PCDH15: variants seen among roughly 807,000 people sequenced by gnomAD.
The protein encoded by PCDH15 is protocadherin-15.
Under a neutral mutation model 178.5 loss-of-function variants are expected in PCDH15, and 129 were observed. The ratio of observed to expected loss-of-function variants is 0.72; its 90% CI spans 0.63 to 0.84. The LOEUF (loss-of-function observed/expected upper bound fraction) is 0.84, where lower values mean the gene tolerates loss of function less well. Ranked by LOEUF, PCDH15 falls within the 40% of genes least tolerant of loss-of-function variation. PCDH15 has a pLI of 0.00. For synonymous variants in PCDH15, 800 were observed against 732.0 expected (o/e 1.09, Z -1.50); for missense variants, 2,230 against 2,099.9 (o/e 1.06, Z -1.21).
intron 2 of PCDH15, among the ~76,000 whole-genome samples, chr10:55,016,012 A>G (rs1840165602): frequency 1.3e-5 from 2 of 151,690 alleles, no homozygotes; most frequent in South Asian, 4.2e-4. Flanking sequence ...ATCCAGAAGA[A>G]CATTCTACAA....
At chr10:55,176,779 G>A (rs1839501750) in intron 1 of PCDH15, among the ~76,000 whole-genome samples, 1 of 152,046 alleles carries the variant, frequency 6.6e-6, no homozygotes, top group South Asian at 2.1e-4. Flanking sequence ...CCTAAAGGAT[G>A]CTTTTTTCCT....
intron 2 of PCDH15, among the ~76,000 whole-genome samples, chr10:55,427,988 T>A (rs2132053387): frequency 6.8e-6 from 1 of 147,658 alleles, no homozygotes; most frequent in South Asian, 2.1e-4. Flanking sequence ...GAAAAATATC[T>A]AATTTTGAAC....
At chr10:54,993,018 C>A (rs1839541507) in intron 2 of PCDH15, among the ~76,000 whole-genome samples, 1 of 151,950 alleles carries the variant, frequency 6.6e-6, no homozygotes, top group African/African-American at 2.4e-5. Context: ...AGATGGTGAT[C>A]TTGGTGTAGT....
intron 2 of PCDH15, among the ~76,000 whole-genome samples, chr10:54,972,211 T>C (rs531611767): frequency 1.3e-5 from 2 of 152,318 alleles, no homozygotes; most frequent in East Asian, 3.9e-4. Context: ...TAATGCCGCA[T>C]ATAAAGCCCT....
chr10:54,563,462 G>C (rs1162141087), intron 2 of PCDH15, among the ~76,000 whole-genome samples: 2 of 152,092 alleles, frequency 1.3e-5, no homozygotes, highest in Admixed American at 6.6e-5. Flanking sequence ...TCAAAGTACC[G>C]TGTTAACTTT....
chr10:55,128,235 T>C (rs1837953375), intron 2 of PCDH15, among the ~76,000 whole-genome samples: 2 of 152,128 alleles, frequency 1.3e-5, no homozygotes, highest in South Asian at 4.1e-4. Flanking sequence ...TACCATCCTT[T>C]TTTTTCTATT....
At chr10:54,982,467 A>T in intron 2 of PCDH15, among the ~76,000 whole-genome samples, 1 of 152,158 alleles carries the variant, frequency 6.6e-6, no homozygotes, top group East Asian at 1.9e-4. Context: ...TTGAAGAAGA[A>T]ATATTATTTG....
At chr10:54,234,181 G>T (rs530273486) in intron 9 of PCDH15, among the ~76,000 whole-genome samples, 1 of 139,356 alleles carries the variant, frequency 7.2e-6, no homozygotes, top group Non-Finnish European at 1.6e-5. Context: ...TGTGTGCTGT[G>T]TCTGGTTTTT....
chr10:54,107,951 G>A (rs1316512529), intron 15 of PCDH15, among the ~76,000 whole-genome samples: 1 of 152,146 alleles, frequency 6.6e-6, no homozygotes, highest in Admixed American at 6.5e-5. Flanking sequence ...TGATGATTTG[G>A]TGTGATTTCA....
At chr10:54,854,683 C>T (rs898039739) in intron 3 of PCDH15, among the ~76,000 whole-genome samples, 1 of 152,130 alleles carries the variant, frequency 6.6e-6, no homozygotes, top group Non-Finnish European at 1.5e-5. Flanking sequence ...TGCAGCTGAT[C>T]ATCAGGACAT....
At chr10:55,405,543 G>C (rs1316354424) in intron 2 of PCDH15, among the ~76,000 whole-genome samples, 1 of 151,444 alleles carries the variant, frequency 6.6e-6, no homozygotes, top group Non-Finnish European at 1.5e-5. Flanking sequence ...TTAACATATA[G>C]TGAGTATCTT....
At chr10:54,617,755 CAAAAAAA>C (rs71010398) in intron 2 of PCDH15, among the ~76,000 whole-genome samples, 66,115 of 117,120 alleles carry the variant, frequency 0.56, 15,726 homozygotes, top group Middle Eastern at 0.65. Flanking sequence ...TCTAAAAATA[CAAAAAAA>C]AAAAAAAAAA....
Position 53,831,489 on chromosome 10 carries a change from G to A in PCDH15, c.4028C>T (p.Pro1343Leu), listed in dbSNP as rs1228182696. The change falls in exon 30 of 38, where the codon CCG (proline) becomes CTG (leucine). Residue 1343 changes from proline (P) to leucine (L), a missense_variant. Pro to Leu is a moderately conservative substitution (Grantham distance 98, BLOSUM62 -3). Coordinates refer to ENST00000644397, the MANE Select transcript of PCDH15 (RefSeq NM_001384140.1). ...AATGCGTCCTCCTTCCCCATAATAC[G>A]GCTGAAAGTCTTTATTGATATCAAG... ...KLLDINKDFQ[P>L]YYGEGGRILE... 12 of 1,613,930 alleles carry A rather than the reference G, an allele frequency of 7.4e-6. No homozygotes were observed. Among genetic ancestry groups the A allele is most frequent in the Middle Eastern group, 1.7e-4 (1 of 6,060 alleles).
intron 2 of PCDH15, among the ~76,000 whole-genome samples, chr10:55,612,725 TG>T (rs943430890): frequency 1.3e-5 from 2 of 152,254 alleles, no homozygotes; most frequent in African/African-American, 4.8e-5. Context: ...ATGGTACCAA[TG>T]GCAAAGAAAT....
intron 3 of PCDH15, among the ~76,000 whole-genome samples, chr10:54,877,559 C>A (rs1300416044): frequency 6.6e-6 from 1 of 152,018 alleles, no homozygotes; most frequent in Non-Finnish European, 1.5e-5. Context: ...ATGTCTTGCA[C>A]TATTAAAGAG....
At chr10:55,491,620 C>A (rs958188270) in intron 2 of PCDH15, among the ~76,000 whole-genome samples, 1 of 151,044 alleles carries the variant, frequency 6.6e-6, no homozygotes. Context: ...GCAGCTTAGC[C>A]TGAGAGGGCT....
intron 26 of PCDH15, among the ~76,000 whole-genome samples, chr10:53,902,000 A>G (rs2082365615): frequency 1.3e-5 from 2 of 152,264 alleles, no homozygotes; most frequent in South Asian, 4.1e-4. Flanking sequence ...TGCTTTGTCA[A>G]TTGCTCTATA....
chr10:53,838,793 A>T (rs1236289814), intron 29 of PCDH15, among the ~76,000 whole-genome samples: 1 of 152,152 alleles, frequency 6.6e-6, no homozygotes, highest in Non-Finnish European at 1.5e-5. Context: ...TGGTAGATCT[A>T]AATGTTGCTT....
intron 26 of PCDH15, among the ~76,000 whole-genome samples, chr10:53,877,803 G>T (rs1446760271): frequency 6.6e-6 from 1 of 152,036 alleles, no homozygotes; most frequent in African/African-American, 2.4e-5. Context: ...CAGTCCATCA[G>T]CAAGCATTCT....
Sources: allele counts gnomAD v4.1 joint callset (sites outside exome capture counted in the v4.1 genomes callset), GRCh38; gene constraint gnomAD v4.1.1; transcripts MANE v1.5; gene names NCBI Gene and HGNC (gene_info 2026-07-23, HGNC 2026-07-21).